Variants in FBN1 observed in about 807,000 individuals in gnomAD.
The protein encoded by FBN1 is fibrillin-1.
Under a neutral mutation model 365.1 loss-of-function variants are expected in FBN1, and 29 were observed. The ratio of observed to expected loss-of-function variants is 0.08; its 90% CI spans 0.06 to 0.11. The LOEUF is 0.11. Ranked by LOEUF, FBN1 falls within the 10% of genes least tolerant of loss-of-function variation. FBN1 has a pLI of 1.00. For synonymous variants in FBN1, 1,210 were observed against 1,270.5 expected, an observed-to-expected ratio of 0.95 and a Z score of 1.01; for missense variants, 2,476 against 3,703.2, an observed-to-expected ratio of 0.67 and a Z score of 8.60.
At chr15:48,502,310 T>C (rs560193792) in intron 17 of FBN1, among the ~76,000 whole-genome samples, 1 of 152,358 alleles carries the variant, frequency 6.6e-6, no homozygotes, top group East Asian at 1.9e-4. Flanking sequence ...CCTCCCATAG[T>C]GCTGGGATTA....
chr15:48,591,772 G>A (rs1480195700), intron 6 of FBN1, among the ~76,000 whole-genome samples: 3 of 151,786 alleles, frequency 2.0e-5, no homozygotes, highest in East Asian at 1.9e-4. Context: ...TTCCAGTGAG[G>A]TCTTTAGAGT....
chr15:48,574,838 AT>A (rs2044333360), intron 6 of FBN1, among the ~76,000 whole-genome samples: 2 of 152,232 alleles, frequency 1.3e-5, no homozygotes, highest in Admixed American at 6.5e-5. Flanking sequence ...ATCCAATTTT[AT>A]GAATATCACT....
intron 6 of FBN1, among the ~76,000 whole-genome samples, chr15:48,586,757 A>G (rs2044438545): frequency 6.6e-6 from 1 of 152,212 alleles, no homozygotes; most frequent in African/African-American, 2.4e-5. Context: ...ATTTAGGCAA[A>G]TATTTATCTT....
chr15:48,427,844 G>C (rs1333615182), intron 57 of FBN1, 71 bp from the exon 58 acceptor site: 2 of 1,484,996 alleles, frequency 1.3e-6, no homozygotes, highest in African/African-American at 2.8e-5. Flanking sequence ...TAAAAATTTG[G>C]TCAGATATAA....
rs1018061542 is a variant in FBN1, at chr15:48,502,368, C to T, written c.2113+1419G>A. ...GCCCCCCATTTCTTTTAAAGTCTTC[C>T]ATTTAACTTTCTCTAACTTTTCATA... On this transcript the variant is annotated intron_variant, in intron 17 of 65. Coordinates refer to ENST00000316623, the MANE Select transcript of FBN1 (RefSeq NM_000138.5). 5.3e-5 allele frequency among the ~76,000 whole-genome samples: 8 copies of T among 152,172 alleles called. No individual in the cohort carries two copies. In the South Asian group the frequency reaches 1.3e-3, roughly 24 times the overall value.
At chr15:48,499,897 T>A (rs1190044190) in intron 17 of FBN1, among the ~76,000 whole-genome samples, 2 of 152,216 alleles carry the variant, frequency 1.3e-5, no homozygotes, top group African/African-American at 4.8e-5. Flanking sequence ...GAAGGAGAAC[T>A]GGATATCAGG....
chr15:48,456,605 T>C, intron 44 of FBN1, 32 bp downstream of exon 44: 1 of 1,611,380 alleles, frequency 6.2e-7, no homozygotes, highest in Middle Eastern at 1.7e-4. Context: ...TTAGCTCTTT[T>C]CTGGATATGA....
At chr15:48,621,647 C>T (rs1031040941) in intron 2 of FBN1, among the ~76,000 whole-genome samples, 3 of 152,134 alleles carry the variant, frequency 2.0e-5, no homozygotes, top group Non-Finnish European at 4.4e-5. Flanking sequence ...AGTAAAAACT[C>T]AGAACATTTG....
intron 18 of FBN1, 76 bp from the exon 19 acceptor site, chr15:48,497,467 A>AC: frequency 7.2e-7 from 1 of 1,394,222 alleles, no homozygotes; most frequent in Non-Finnish European, 1.0e-6. Context: ...ATATAACACT[A>AC]CAATAAATGT....
intron 4 of FBN1, among the ~76,000 whole-genome samples, chr15:48,607,847 G>A (rs940708760): frequency 6.6e-6 from 1 of 152,182 alleles, no homozygotes; most frequent in African/African-American, 2.4e-5. Flanking sequence ...TCATACATCA[G>A]TAAACCATGA....
At chr15:48,617,033 T>C (rs1182050386) in intron 2 of FBN1, among the ~76,000 whole-genome samples, 24 of 152,206 alleles carry the variant, frequency 1.6e-4, no homozygotes, top group Admixed American at 1.5e-3. Context: ...CCTAACCTTA[T>C]GTTAAGTCAA....
chr15:48,583,255 A>C (rs1240388721), intron 6 of FBN1, among the ~76,000 whole-genome samples: 1 of 152,256 alleles, frequency 6.6e-6, no homozygotes, highest in African/African-American at 2.4e-5. Flanking sequence ...TTTTCAGCAT[A>C]ACATCACACC....
intron 15 of FBN1, 72 bp downstream of exon 15, chr15:48,508,510 T>G (rs375364178): frequency 1.9e-5 from 31 of 1,599,128 alleles, no homozygotes; most frequent in Non-Finnish European, 2.6e-5. Context: ...TAAAGAAAGG[T>G]AGTACCTCTA....
chr15:48,437,571 G>T, intron 51 of FBN1, 184 bp from the exon 52 acceptor site: 1 of 788,398 alleles, frequency 1.3e-6, no homozygotes, highest in Non-Finnish European at 2.1e-6. Context: ...TACTCCTTGG[G>T]CATCTGTGAT....
intron 6 of FBN1, among the ~76,000 whole-genome samples, chr15:48,557,726 C>G (rs1001337998): frequency 1.3e-5 from 2 of 152,160 alleles, no homozygotes; most frequent in Admixed American, 6.5e-5. Flanking sequence ...CTGGGTGTTC[C>G]TCTAGGGCAT....
chr15:48,533,981 A>C, intron 8 of FBN1, 99 bp downstream of exon 8: 1 of 1,502,296 alleles, frequency 6.7e-7, no homozygotes, highest in South Asian at 1.1e-5. Context: ...TGACAAAGAC[A>C]GAAGGATTTA....
At chr15:48,600,885 C>G (rs1417628088) in intron 4 of FBN1, among the ~76,000 whole-genome samples, 1 of 151,942 alleles carries the variant, frequency 6.6e-6, no homozygotes, top group Non-Finnish European at 1.5e-5. Flanking sequence ...ATAATTTTCC[C>G]GTGAAAAGAT....
chr15:48,509,895 A>G, intron 14 of FBN1, 149 bp downstream of exon 14: 1 of 804,700 alleles, frequency 1.2e-6, no homozygotes, highest in Non-Finnish European at 2.0e-6. Context: ...AGAAATGAAT[A>G]TCATGGAAAA....
chr15:48,456,501 C>A, intron 44 of FBN1, 136 bp downstream of exon 44: 2 of 905,468 alleles, frequency 2.2e-6, no homozygotes, highest in Non-Finnish European at 1.8e-6. Flanking sequence ...TCATGTTGTT[C>A]CACACCATGC....
Sources: gnomAD v4.1 joint callset for allele counts (sites outside exome capture counted in the v4.1 genomes callset) on GRCh38, gnomAD v4.1.1 for gene constraint, MANE v1.5 for transcripts, NCBI Gene and HGNC (gene_info 2026-07-23, HGNC 2026-07-21) for gene names.